USP40: variants seen among roughly 807,000 people sequenced by gnomAD.
USP40 encodes the protein ubiquitin carboxyl-terminal hydrolase 40.
Under a neutral mutation model 166.2 loss-of-function variants are expected in USP40, and 143 were observed. The ratio of observed to expected loss-of-function variants is 0.86; its 90% CI spans 0.75 to 0.99. The LOEUF (loss-of-function observed/expected upper bound fraction) is 0.99, where lower values mean the gene tolerates loss of function less well. USP40 is among the 50% of genes least tolerant of loss of function. The pLI, the probability that USP40 is intolerant of heterozygous loss-of-function variation, is 0.00. For synonymous variants in USP40, 498 were observed against 524.0 expected (o/e 0.95, Z 0.68); for missense variants, 1,444 against 1,479.7 (o/e 0.98, Z 0.40).
chr2:233,477,760 C>T (rs1181036972), intron 31 of USP40, among the ~76,000 whole-genome samples: 1 of 152,244 alleles, frequency 6.6e-6, no homozygotes, highest in Non-Finnish European at 1.5e-5. Context: ...TCAATCTGCT[C>T]AGTGAAAATG....
At chr2:233,485,213 C>T (rs979882057) in intron 30 of USP40, among the ~76,000 whole-genome samples, 1 of 152,146 alleles carries the variant, frequency 6.6e-6, no homozygotes, top group Admixed American at 6.5e-5. Context: ...CCTACTGTGA[C>T]GTCATGTCAC....
At chr2:233,491,962 T>G (rs982540998) in intron 25 of USP40, among the ~76,000 whole-genome samples, 3 of 152,188 alleles carry the variant, frequency 2.0e-5, no homozygotes, top group African/African-American at 7.2e-5. Context: ...ACAGAGAGAT[T>G]AGAAGTCAAC....
chr2:233,499,981 C>A, intron 21 of USP40, 66 bp from the exon 22 acceptor site: 1 of 1,383,992 alleles, frequency 7.2e-7, no homozygotes, highest in Non-Finnish European at 1.0e-6. Context: ...GGACAAACAC[C>A]CTTTTTGGAC....
intron 26 of USP40, chr2:233,490,916 C>T (rs375217340): frequency 5.0e-6 from 3 of 600,134 alleles, no homozygotes; most frequent in East Asian, 3.3e-5. Flanking sequence ...GAACAAAAGC[C>T]GCAAGTCACT....
chr2:233,480,753 C>T lies in USP40; in HGVS notation c.3599+450G>A, dbSNP rs1246953810. ...TGGGGTAGCAGCCCTGAAGCCACAG[C>T]AGCGTCCCCTGGAGTGGCCAGGCTC... On this transcript the variant is annotated intron_variant, in intron 31 of 31. Transcript: ENST00000678225. This position sits in a 1 kb window ranked among gnomAD's most constrained non-coding sequence, Gnocchi z 4.5. 6.6e-6 allele frequency among the ~76,000 whole-genome samples: 1 copy of T among 152,174 alleles called. No homozygotes were observed. Among genetic ancestry groups the T allele is most frequent in the Non-Finnish European group, 1.5e-5 (1 of 68,028 alleles).
intron 8 of USP40, among the ~76,000 whole-genome samples, chr2:233,545,051 T>A (rs1015615706): frequency 9.2e-5 from 14 of 152,258 alleles, no homozygotes; most frequent in African/African-American, 2.9e-4. Context: ...GTAAATCAAG[T>A]TCTTAAAAAG....
At chr2:233,552,060 A>G (rs1273624714) in intron 6 of USP40, among the ~76,000 whole-genome samples, 1 of 152,178 alleles carries the variant, frequency 6.6e-6, no homozygotes, top group Non-Finnish European at 1.5e-5. Context: ...GCTGCTTTTT[A>G]AGAGTATCAG....
At chr2:233,491,068 C>G (rs1488490502) in intron 26 of USP40, 99 bp downstream of exon 26, 3 of 927,312 alleles carry the variant, frequency 3.2e-6, no homozygotes, top group Non-Finnish European at 5.2e-6. Context: ...CATATCAGAA[C>G]AGACTGTAAT....
rs1164463803 is a variant in USP40, at chr2:233,493,056, CCT to C, written c.2917+367_2917+368del. Reference sequence around the variant, plus strand: ...AGGATGTGGACTCCTGGTCTCTGCCCCTGTGGGCTAAAATGACATCATTAGAA... The same window carrying C: ...AGGATGTGGACTCCTGGTCTCTGCCCGTGGGCTAAAATGACATCATTAGAA... On this transcript the variant is annotated intron_variant, in intron 25 of 31. Coordinates refer to ENST00000678225, the MANE Select transcript of USP40 (RefSeq NM_001365479.2). This position sits in a 1 kb window ranked among gnomAD's most constrained non-coding sequence, Gnocchi z 4.7. The C allele has an allele frequency of 3.5e-6, 1 of 283,476 alleles. No homozygotes were observed. The highest frequency in any genetic ancestry group is 6.4e-5 in the East Asian group (1 of 15,712). 17.6% of individuals were successfully genotyped at this position (283,476 alleles called of 1,614,324 possible).
Position 233,566,770 on chromosome 2 carries a change from G to A in USP40, c.-106C>T. On this transcript the variant is annotated 5_prime_UTR_variant, in exon 1 of 32. Transcript: ENST00000678225. ...GGCGCCGCCATGTTGGCGAGGGCGG[G>A]TCTCCAGAAAGTGATTTATGGATCG... 1 of 985,974 alleles carries A rather than the reference G, an allele frequency of 1.0e-6. No individual in the cohort carries two copies. Among genetic ancestry groups the A allele is most frequent in the South Asian group, 4.7e-5 (1 of 21,296 alleles). 61.1% of individuals were successfully genotyped at this position (985,974 alleles called of 1,614,324 possible).
intron 21 of USP40, among the ~76,000 whole-genome samples, chr2:233,507,088 T>TA (rs1273603755): frequency 6.6e-6 from 1 of 151,824 alleles, no homozygotes; most frequent in Non-Finnish European, 1.5e-5. Context: ...ACATCACAAA[T>TA]CATAAAGGAA....
intron 21 of USP40, among the ~76,000 whole-genome samples, chr2:233,500,653 A>G (rs2066018067): frequency 6.6e-6 from 1 of 152,206 alleles, no homozygotes; most frequent in East Asian, 1.9e-4. Context: ...GATTTTTTAA[A>G]AAGTAGGAAA....
intron 19 of USP40, 59 bp downstream of exon 19, chr2:233,512,510 T>C: frequency 8.1e-7 from 1 of 1,238,214 alleles, no homozygotes; most frequent in Non-Finnish European, 1.1e-6. Flanking sequence ...GAGGCCACTA[T>C]TTATCAAGAA....
chr2:233,558,141 G>C (rs2071266131), intron 4 of USP40, among the ~76,000 whole-genome samples: 1 of 151,778 alleles, frequency 6.6e-6, no homozygotes, highest in Non-Finnish European at 1.5e-5. Context: ...GCTATGATGG[G>C]ATAGAAAACT....
At chr2:233,494,901 T>C (rs2065577777) in intron 24 of USP40, among the ~76,000 whole-genome samples, 1 of 101,066 alleles carries the variant, frequency 9.9e-6, no homozygotes, top group Non-Finnish European at 1.9e-5. Flanking sequence ...TATACTCATA[T>C]ACAAGCAAAA....
intron 20 of USP40, among the ~76,000 whole-genome samples, chr2:233,510,786 A>G (rs1265537306): frequency 6.6e-6 from 1 of 152,180 alleles, no homozygotes; most frequent in Admixed American, 6.5e-5. Flanking sequence ...ACACACAGTT[A>G]GCATTAGTAT....
In USP40 at chr2:233,486,210, C is replaced by G. The variant is rs75859732; in HGVS notation, c.3198-233G>C. Among the ~76,000 whole-genome samples, 623 of 152,218 alleles carry G rather than the reference C, an allele frequency of 4.1e-3. 4 individuals are homozygous for G. Among genetic ancestry groups the G allele is most frequent in the African/African-American group, 0.014 (578 of 41,520 alleles). On this transcript the variant is annotated intron_variant, in intron 28 of 31. Transcript: ENST00000678225. This position sits in a 1 kb window ranked among gnomAD's most constrained non-coding sequence, Gnocchi z 4.0. ...CATTCTCGGTACACAGCAGAGCCCCCCCAGACGTGGTAGGGAACTTCCTCA... is the reference window on the plus strand; with the variant it reads ...CATTCTCGGTACACAGCAGAGCCCCGCCAGACGTGGTAGGGAACTTCCTCA...
intron 30 of USP40, among the ~76,000 whole-genome samples, chr2:233,484,773 G>A (rs1490421278): frequency 6.6e-6 from 1 of 152,104 alleles, no homozygotes; most frequent in Non-Finnish European, 1.5e-5. Flanking sequence ...ATGAGCCACC[G>A]TGCCCAGCCT....
At chr2:233,542,135 T>C in intron 9 of USP40, 133 bp downstream of exon 9, 1 of 424,234 alleles carries the variant, frequency 2.4e-6, no homozygotes. Context: ...AGAATGTCCT[T>C]AAGGAAAGAC....
Sources: allele counts gnomAD v4.1 joint callset (sites outside exome capture counted in the v4.1 genomes callset), GRCh38; gene constraint gnomAD v4.1.1; non-coding constraint Gnocchi (gnomAD v3.1); transcripts MANE v1.5; gene names NCBI Gene and HGNC (gene_info 2026-07-23, HGNC 2026-07-21).